CEP112: variants seen among roughly 807,000 people sequenced by gnomAD.
CEP112 encodes the protein centrosomal protein 112.
Under a neutral mutation model 153.0 loss-of-function variants are expected in CEP112, and 127 were observed. The observed-to-expected ratio is 0.83, with a 90% CI of 0.72 to 0.96. The LOEUF (loss-of-function observed/expected upper bound fraction) is 0.96, where lower values mean the gene tolerates loss of function less well. CEP112 is among the 40% of genes least tolerant of loss of function. The probability of loss-of-function intolerance (pLI) is 0.00; values close to 1 mark genes in which losing one functional copy is unlikely to be tolerated. For synonymous variants in CEP112, 358 were observed against 374.4 expected (o/e 0.96, Z 0.51); for missense variants, 1,089 against 1,101.2 (o/e 0.99, Z 0.16).
At chr17:65,637,808 G>A (rs747386779) in intron 25 of CEP112, among the ~76,000 whole-genome samples, 4 of 152,178 alleles carry the variant, frequency 2.6e-5, no homozygotes, top group African/African-American at 4.8e-5. Context: ...TCTTTTACAG[G>A]GCTGGGCATG....
intron 11 of CEP112, among the ~76,000 whole-genome samples, chr17:66,059,430 A>G (rs1345544110): frequency 6.6e-6 from 1 of 152,202 alleles, no homozygotes; most frequent in East Asian, 1.9e-4. Flanking sequence ...CAGAATCTAT[A>G]AAGAACTCAA....
At chr17:65,728,080 G>A (rs1426024311) in intron 23 of CEP112, among the ~76,000 whole-genome samples, 1 of 152,204 alleles carries the variant, frequency 6.6e-6, no homozygotes, top group African/African-American at 2.4e-5. Flanking sequence ...ACTGTCTATG[G>A]CTGCTCTCAG....
chr17:66,135,826 G>A (rs2070407392), intron 4 of CEP112, among the ~76,000 whole-genome samples: 2 of 150,094 alleles, frequency 1.3e-5, no homozygotes. Flanking sequence ...AAAGAAATAA[G>A]GAATGATACT....
At chr17:66,126,085 C>T (rs564815062) in intron 6 of CEP112, among the ~76,000 whole-genome samples, 1 of 152,290 alleles carries the variant, frequency 6.6e-6, no homozygotes, top group East Asian at 1.9e-4. Flanking sequence ...AGACAGGATG[C>T]TTAACTTGTT....
At chr17:66,102,387 A>T (rs967475947) in intron 6 of CEP112, among the ~76,000 whole-genome samples, 1 of 152,216 alleles carries the variant, frequency 6.6e-6, no homozygotes, top group African/African-American at 2.4e-5. Context: ...CATTCAATCA[A>T]TATATAACTA....
intron 4 of CEP112, among the ~76,000 whole-genome samples, chr17:66,159,316 T>C (rs894394160): frequency 3.9e-5 from 6 of 151,954 alleles, no homozygotes; most frequent in Admixed American, 3.9e-4. Flanking sequence ...TTCCAAACAA[T>C]AGAAAAAGAG....
rs140952556 is a variant in CEP112 at position 65,795,178 on chromosome 17, A to T, written c.2395-44454T>A. On this transcript the variant is annotated intron_variant, in intron 21 of 26. Coordinates refer to ENST00000535342, the MANE Select transcript of CEP112 (RefSeq NM_001199165.4). ...AGAGCTCATAATAGTGGGAGGTAGG[A>T]TTTGAAGCCAGGTCAGCCAGTCTCA... 8.0e-3 allele frequency among the ~76,000 whole-genome samples: 1,212 copies of T among 152,320 alleles called. 11 individuals carry two copies. The highest frequency in any genetic ancestry group is 0.02 in the South Asian group (96 of 4,826).
At chr17:65,776,605 G>A (rs2145581393) in intron 21 of CEP112, among the ~76,000 whole-genome samples, 1 of 152,240 alleles carries the variant, frequency 6.6e-6, no homozygotes, top group Non-Finnish European at 1.5e-5. Flanking sequence ...ATGACTTATT[G>A]AACCATTCTT....
intron 22 of CEP112, among the ~76,000 whole-genome samples, chr17:65,746,165 CAAAAAA>C (rs56361589): frequency 1.2e-4 from 6 of 49,480 alleles, no homozygotes; most frequent in Non-Finnish European, 1.7e-4. Flanking sequence ...AACTCCATCT[CAAAAAA>C]AAAAAAAAAA....
At chr17:65,696,772 G>C (rs766402813) in intron 23 of CEP112, among the ~76,000 whole-genome samples, 23 of 151,980 alleles carry the variant, frequency 1.5e-4, no homozygotes, top group Admixed American at 1.0e-3. Context: ...CTACTTTTGT[G>C]TATGTTTAAA....
At chr17:65,969,495 G>A (rs73338606) in intron 17 of CEP112, among the ~76,000 whole-genome samples, 10,042 of 151,962 alleles carry the variant, frequency 0.066, 485 homozygotes, top group African/African-American at 0.12. Flanking sequence ...TTACACACAG[G>A]TATACTGTAT....
intron 23 of CEP112, among the ~76,000 whole-genome samples, chr17:65,739,731 ATC>A (rs1279564130): frequency 5.9e-5 from 9 of 151,792 alleles, no homozygotes; most frequent in Non-Finnish European, 1.3e-4. Flanking sequence ...GCAAGACTCC[ATC>A]TCAAAAAAAA....
intron 21 of CEP112, among the ~76,000 whole-genome samples, chr17:65,837,197 A>G (rs2057341060): frequency 6.6e-6 from 1 of 152,144 alleles, no homozygotes; most frequent in Admixed American, 6.5e-5. Flanking sequence ...CCAAAGTGCC[A>G]AGATTGCAGC....
chr17:66,158,515 G>C (rs2071546725), intron 4 of CEP112, among the ~76,000 whole-genome samples: 1 of 152,148 alleles, frequency 6.6e-6, no homozygotes, highest in African/African-American at 2.4e-5. Context: ...AGGAGGCTGA[G>C]ACAGGAGAAT....
intron 8 of CEP112, among the ~76,000 whole-genome samples, chr17:66,073,822 GAAC>G (rs199557740): frequency 3.3e-5 from 5 of 151,898 alleles, no homozygotes; most frequent in African/African-American, 1.2e-4. Context: ...CAGCCTATAA[GAAC>G]AACAACAACA....
intron 4 of CEP112, among the ~76,000 whole-genome samples, chr17:66,159,006 G>C (rs1419947239): frequency 2.0e-5 from 3 of 152,150 alleles, no homozygotes; most frequent in African/African-American, 2.4e-5. Flanking sequence ...AATAAAAAAT[G>C]ATAAAGGGGA....
chr17:65,959,201 G>C (rs1371160002), intron 18 of CEP112, among the ~76,000 whole-genome samples: 1 of 152,054 alleles, frequency 6.6e-6, no homozygotes, highest in Non-Finnish European at 1.5e-5. Context: ...ACCCACTCTA[G>C]GGCCTCCTCT....
Position 65,635,985 on chromosome 17 carries a change from A to G in CEP112, c.2865-11T>C. ...CTCTCGTGCAGTTACCTGTAAACCA[A>G]AAATCGCAGTCACGACTTTCTCTAG... is the stretch of plus-strand genomic sequence containing the variant. On this transcript the variant is annotated splice_polypyrimidine_tract_variant and intron_variant, in intron 26 of 26. Coordinates refer to ENST00000535342, the MANE Select transcript of CEP112 (RefSeq NM_001199165.4). The G allele has an allele frequency of 1.3e-6, 2 of 1,599,200 alleles. No individual in the cohort carries two copies. Among genetic ancestry groups the G allele is most frequent in the South Asian group, 1.1e-5 (1 of 88,392 alleles).
At chr17:65,656,901 C>T (rs745469945) in intron 24 of CEP112, among the ~76,000 whole-genome samples, 7 of 152,306 alleles carry the variant, frequency 4.6e-5, no homozygotes, top group Admixed American at 3.3e-4. Context: ...ACAAGGTCTT[C>T]GGAATGTCTA....
Sources: allele counts gnomAD v4.1 joint callset (sites outside exome capture counted in the v4.1 genomes callset), GRCh38; gene constraint gnomAD v4.1.1; transcripts MANE v1.5; gene names NCBI Gene and HGNC (gene_info 2026-07-23, HGNC 2026-07-21).